RASA3: variants seen among roughly 807,000 people sequenced by gnomAD.
The protein encoded by RASA3 is RAS p21 protein activator 3, also known as ras GTPase-activating protein 3.
RASA3 carries 73 observed loss-of-function variants against 110.0 expected under a neutral mutation model. The observed-to-expected ratio is 0.66, with a 90% CI of 0.55 to 0.81. The LOEUF is 0.81. Among genes scored for constraint, RASA3 ranks in the 30% least tolerant of loss-of-function variants. RASA3 has a pLI of 0.00. For missense variants in RASA3, 976 were observed against 1,113.2 expected (o/e 0.88, Z 1.75); for synonymous variants, 500 against 451.4 (o/e 1.11, Z -1.37).
chr13:114,117,391 TGA>T (rs1429704325), intron 1 of RASA3, among the ~76,000 whole-genome samples: 33 of 142,296 alleles, frequency 2.3e-4, no homozygotes, highest in African/African-American at 8.3e-4. Flanking sequence ...AGCACGTGTG[TGA>T]GGGGAGCACG....
chr13:114,077,275 C>T (rs1367360682), intron 1 of RASA3, among the ~76,000 whole-genome samples: 1 of 152,226 alleles, frequency 6.6e-6, no homozygotes, highest in African/African-American at 2.4e-5. Context: ...GGCGCCAACA[C>T]ACCAGATTCA....
rs945770356 is a variant in RASA3, at chr13:114,099,216, T to C, written c.56-25379A>G. ...GAGCCCCCCAGACCACCCCTCCTTT[T>C]CTCAAGGTCAGAACAGCAGTGAAGG... On this transcript the variant is annotated intron_variant, in intron 1 of 23. Coordinates refer to ENST00000334062, the MANE Select transcript of RASA3 (RefSeq NM_007368.4). Among the ~76,000 whole-genome samples, 4 of 151,626 alleles carry C rather than the reference T, an allele frequency of 2.6e-5. No homozygotes were observed. In the East Asian group the frequency reaches 7.9e-4, roughly 30 times the overall value.
chr13:114,121,324 C>T (rs917321690), intron 1 of RASA3, among the ~76,000 whole-genome samples: 1 of 152,216 alleles, frequency 6.6e-6, no homozygotes, highest in Non-Finnish European at 1.5e-5. Context: ...TCCCCAGCCT[C>T]AGCCATGTGG....
In RASA3 at chr13:114,013,245, T is replaced by C; in HGVS notation, c.1409A>G (p.Asp470Gly). The stretch of plus-strand genomic sequence containing the variant: ...CACTGCAGTGTACCTGACGTCCGGG[T>C]CATCTGCGGGAGAGAGAAGCAGGGT... ...REAAAKRFQD[D>G]PDVRYTAVSS... Residue 470 changes from aspartate (D) to glycine (G), a missense_variant, in exon 15 of 24, where the codon GAC becomes GGC. By Grantham distance (94) the Asp-to-Gly change is moderately conservative. Transcript: ENST00000334062. 6.2e-7 allele frequency: 1 copy of C among 1,610,670 alleles called. No homozygotes were observed. Among genetic ancestry groups the C allele is most frequent in the Non-Finnish European group, 8.5e-7 (1 of 1,178,626 alleles).
chr13:113,978,242 C>T lies in RASA3; in HGVS notation c.*1105G>A, dbSNP rs2052823268. On this transcript the variant is annotated 3_prime_UTR_variant, in exon 24 of 24. Coordinates refer to ENST00000334062, the MANE Select transcript of RASA3 (RefSeq NM_007368.4). ...CTGCACAGCATCTGGGGGTTCATAA[C>T]ACAGGTGCAATACTGACCATGGGCC... is the stretch of plus-strand genomic sequence containing the variant. 6.6e-6 allele frequency: 1 copy of T among 152,236 alleles called. No individual in the cohort carries two copies. The highest frequency in any genetic ancestry group is 1.5e-5 in the Non-Finnish European group (1 of 68,074). 9.4% of individuals were successfully genotyped at this position (152,236 alleles called of 1,614,324 possible).
At chr13:113,993,646 A>G (rs1020876925) in intron 21 of RASA3, among the ~76,000 whole-genome samples, 1 of 151,488 alleles carries the variant, frequency 6.6e-6, no homozygotes, top group Non-Finnish European at 1.5e-5. Flanking sequence ...TGTCTCTATT[A>G]AAAATACAAA....
At chr13:114,030,845 G>A (rs1474668202) in intron 4 of RASA3, among the ~76,000 whole-genome samples, 1 of 151,994 alleles carries the variant, frequency 6.6e-6, no homozygotes, top group African/African-American at 2.4e-5. Flanking sequence ...GTGCAGCTGT[G>A]TGTCCTCCTG....
chr13:114,001,978 G>A (rs972848156), intron 18 of RASA3, among the ~76,000 whole-genome samples: 1 of 152,278 alleles, frequency 6.6e-6, no homozygotes, highest in African/African-American at 2.4e-5. Context: ...CCTCAGCGAG[G>A]AGGACCTCAA....
chr13:114,013,586 C>CCATCTCTCTG (rs2053696514), intron 14 of RASA3, among the ~76,000 whole-genome samples: 1 of 85,938 alleles, frequency 1.2e-5, no homozygotes. Flanking sequence ...GTCTCTCTCT[C>CCATCTCTCTG]TCTCTCTCCG....
chr13:114,017,128 G>T, intron 12 of RASA3, 109 bp downstream of exon 12: 1 of 998,248 alleles, frequency 1.0e-6, no homozygotes, highest in South Asian at 1.3e-5. Context: ...CAGAGGGGCC[G>T]ACATTCAAGC....
chr13:114,098,963 G>A lies in RASA3; in HGVS notation c.56-25126C>T, dbSNP rs1033717600. On this transcript the variant is annotated intron_variant, in intron 1 of 23. Coordinates refer to ENST00000334062, the MANE Select transcript of RASA3 (RefSeq NM_007368.4). ...CACAGCAGTCGGGGCCCGGCCACCC[G>A]AGCCCCCCAGACCACAGCAGTCGGG... 2.7e-5 allele frequency among the ~76,000 whole-genome samples: 4 copies of A among 149,916 alleles called. 1 individual carries two copies. In the South Asian group the frequency reaches 6.4e-4, roughly 24 times the overall value.
At position 114,052,175 on chromosome 13, in the gene RASA3, C is replaced by T. The variant is rs189936252; in HGVS notation, c.174-20G>A. On this transcript the variant is annotated intron_variant, in intron 2 of 23. Coordinates refer to ENST00000334062, the MANE Select transcript of RASA3 (RefSeq NM_007368.4). ...AACGGGCTAGTGAGACAAAGAAAAG[C>T]GCCAGTTAGAACACAGGCCACGCTT... The T allele has an allele frequency of 4.6e-5, 72 of 1,572,512 alleles. No individual in the cohort carries two copies. Among genetic ancestry groups the T allele is most frequent in the Admixed American group, 2.2e-4 (13 of 59,652 alleles).
intron 22 of RASA3, among the ~76,000 whole-genome samples, chr13:113,982,917 A>AG (rs541313733): frequency 1.4e-4 from 21 of 152,326 alleles, no homozygotes; most frequent in African/African-American, 4.8e-4. Context: ...CCGGATCTCA[A>AG]GCTTCTCAGG....
Position 114,071,032 on chromosome 13 carries a change from G to A in RASA3, c.173+2688C>T, listed in dbSNP as rs191364878. Among the ~76,000 whole-genome samples the A allele has an allele frequency of 2.1e-3, 320 of 152,030 alleles. 4 individuals are homozygous for A. Among genetic ancestry groups the A allele is most frequent in the Non-Finnish European group, 5.0e-4 (34 of 68,006 alleles). Reference sequence around the variant, plus strand: ...GTTACACGTGGGCAGGGCTGCCGGCGTCCACGCTAAACGGTGCCACAGTTT... The same window carrying A: ...GTTACACGTGGGCAGGGCTGCCGGCATCCACGCTAAACGGTGCCACAGTTT... On this transcript the variant is annotated intron_variant, in intron 2 of 23. Transcript: ENST00000334062.
intron 1 of RASA3, among the ~76,000 whole-genome samples, chr13:114,117,167 G>C (rs1594473765): frequency 1.8e-5 from 2 of 108,520 alleles, no homozygotes; most frequent in Admixed American, 9.2e-5. Flanking sequence ...GGGTGCACGT[G>C]TGTGACAGAT....
chr13:114,009,506 C>A, intron 16 of RASA3, 42 bp from the exon 17 acceptor site: 2 of 1,350,476 alleles, frequency 1.5e-6, no homozygotes, highest in Non-Finnish European at 2.1e-6. Flanking sequence ...CCCGAAGTAC[C>A]TCGGCTCACG....
chr13:114,030,757 G>A (rs2054148439), intron 4 of RASA3, among the ~76,000 whole-genome samples: 1 of 148,302 alleles, frequency 6.7e-6, no homozygotes, highest in African/African-American at 2.5e-5. Flanking sequence ...GTGTGCAGCT[G>A]TGTATGTGAG....
At chr13:114,093,908 A>G (rs2079915307) in intron 1 of RASA3, among the ~76,000 whole-genome samples, 1 of 151,722 alleles carries the variant, frequency 6.6e-6, no homozygotes, top group South Asian at 2.1e-4. Flanking sequence ...GATTTTTTCT[A>G]TTACTTCAAT....
Position 114,048,121 on chromosome 13 carries a change from T to C in RASA3, c.277+3931A>G, listed in dbSNP as rs940982071. 3.9e-5 allele frequency among the ~76,000 whole-genome samples: 6 copies of C among 152,104 alleles called. No individual in the cohort carries two copies. Among genetic ancestry groups the C allele is most frequent in the South Asian group, 2.1e-4 (1 of 4,806 alleles). On this transcript the variant is annotated intron_variant, in intron 3 of 23. Coordinates refer to ENST00000334062, the MANE Select transcript of RASA3 (RefSeq NM_007368.4). This position sits in a 1 kb window ranked among gnomAD's most constrained non-coding sequence, Gnocchi z 4.3. ...ACGAGGTCAGGAGATAGAGACCACCTTGGCTAACACGGTGAAACCCCGTCT... is the reference window on the plus strand; with the variant it reads ...ACGAGGTCAGGAGATAGAGACCACCCTGGCTAACACGGTGAAACCCCGTCT...
Sources: gnomAD v4.1 joint callset for allele counts (sites outside exome capture counted in the v4.1 genomes callset) on GRCh38, gnomAD v4.1.1 for gene constraint, Gnocchi (gnomAD v3.1) non-coding constraint, MANE v1.5 for transcripts, NCBI Gene and HGNC (gene_info 2026-07-23, HGNC 2026-07-21) for gene names.